Variants in SIDT1 observed in about 807,000 individuals in gnomAD.
SIDT1 encodes the protein SID1 transmembrane family, member 1.
A neutral mutation model predicts 107.5 loss-of-function variants in SIDT1; 101 were observed. The ratio of observed to expected loss-of-function variants is 0.94; its 90% CI spans 0.80 to 1.11. The LOEUF (loss-of-function observed/expected upper bound fraction) is 1.11, where lower values mean the gene tolerates loss of function less well. Among genes scored for constraint, SIDT1 ranks in the 50% least tolerant of loss-of-function variants. SIDT1 has a pLI of 0.00. For missense variants in SIDT1, 1,076 were observed against 1,058.2 expected, an observed-to-expected ratio of 1.02 and a Z score of -0.23; for synonymous variants, 395 against 398.2, an observed-to-expected ratio of 0.99 and a Z score of 0.10.
At chr3:113,579,688 A>G (rs567072241) in intron 4 of SIDT1, among the ~76,000 whole-genome samples, 16 of 152,322 alleles carry the variant, frequency 1.1e-4, no homozygotes, top group African/African-American at 3.6e-4. Flanking sequence ...GTTGAAATAC[A>G]AAGTTAAGTT....
At chr3:113,618,867 C>A (rs1436066856) in intron 20 of SIDT1, among the ~76,000 whole-genome samples, 1 of 152,180 alleles carries the variant, frequency 6.6e-6, no homozygotes, top group African/African-American at 2.4e-5. Flanking sequence ...CTCTATCACC[C>A]AGGCTGGAGT....
At chr3:113,568,885 G>A (rs1942179835) in intron 3 of SIDT1, among the ~76,000 whole-genome samples, 1 of 152,062 alleles carries the variant, frequency 6.6e-6, no homozygotes, top group Non-Finnish European at 1.5e-5. Flanking sequence ...TGTGATCCCA[G>A]CACTTTGGGA....
rs150632865 is a variant in SIDT1 at position 113,566,473 on chromosome 3, G to A, written c.276G>A (p.Pro92=). Residue 92 remains proline, a synonymous_variant, in exon 2 of 25, where the codon CCG becomes CCA. Coordinates refer to ENST00000264852, the MANE Select transcript of SIDT1 (RefSeq NM_017699.3). ...GTTCCTCTGAGAATCTCAACTACCC[G>A]GTCCTTGTTGTGGTTCGCCAGCAGA... ...VNSSSENLNY[P]VLVVVRQQKE... 4.2e-5 allele frequency: 67 copies of A among 1,613,984 alleles called. 1 individual carries two copies. In the African/African-American group the frequency reaches 6.0e-4, roughly 14 times the overall value.
chr3:113,551,824 GGTGTGTGTGT>G (rs56860179), intron 1 of SIDT1, among the ~76,000 whole-genome samples: 2 of 147,222 alleles, frequency 1.4e-5, no homozygotes, highest in East Asian at 2.0e-4. Context: ...AAGTTTTAGG[GGTGTGTGTGT>G]GTGTGTGTGT....
At chr3:113,624,240 G>A (rs1446462714) in intron 23 of SIDT1, among the ~76,000 whole-genome samples, 1 of 152,174 alleles carries the variant, frequency 6.6e-6, no homozygotes, top group African/African-American at 2.4e-5. Context: ...AACCTCATAT[G>A]CATCAGCATT....
downstream of SIDT1, among the ~76,000 whole-genome samples, chr3:113,629,946 C>T (rs752294701): frequency 1.1e-4 from 16 of 152,170 alleles, no homozygotes; most frequent in African/African-American, 2.7e-4. Context: ...CTTTCCACAG[C>T]GCCAGTCTCA....
chr3:113,604,924 T>C lies in SIDT1; in HGVS notation c.1352T>C (p.Ile451Thr). 6.2e-7 allele frequency: 1 copy of C among 1,614,130 alleles called. No individual in the cohort carries two copies. The highest frequency in any genetic ancestry group is 8.5e-7 in the Non-Finnish European group (1 of 1,180,032). Residue 451 changes from isoleucine (I) to threonine (T), a missense_variant, in exon 14 of 25, where the codon ATT (isoleucine) becomes ACT (threonine). By Grantham distance (89) the Ile-to-Thr change is moderately conservative. Transcript: ENST00000264852. The stretch of plus-strand genomic sequence containing the variant: ...TGCCTGCATAGGAACATCATCACCA[T>C]TGCTGTGTTTTACGCGCTGCCCGTG... ...YKIYFWNIIT[I>T]AVFYALPVIQ... is the part of the protein sequence containing the mutation.
chr3:113,584,873 A>T (rs1194042864), intron 8 of SIDT1, 104 bp downstream of exon 8: 1 of 861,420 alleles, frequency 1.2e-6, no homozygotes, highest in East Asian at 2.5e-5. Flanking sequence ...GTCATAAGAA[A>T]ACTAAAGTAT....
chr3:113,602,520 ATGT>A (rs1945031887), intron 11 of SIDT1: 1 of 152,272 alleles, frequency 6.6e-6, no homozygotes, highest in East Asian at 1.9e-4. Context: ...CTTCCTGAGA[ATGT>A]TGTTTTCATT....
intron 9 of SIDT1, chr3:113,588,740 T>G (rs1447825863): frequency 1.3e-5 from 2 of 151,676 alleles, no homozygotes; most frequent in Admixed American, 6.6e-5. Context: ...GAATCCAAAC[T>G]GCCCAATCCA....
At chr3:113,619,118 C>T (rs1946291893) in intron 20 of SIDT1, among the ~76,000 whole-genome samples, 2 of 152,222 alleles carry the variant, frequency 1.3e-5, no homozygotes, top group African/African-American at 4.8e-5. Flanking sequence ...AGCCACCACA[C>T]CCGGCCTATT....
intron 1 of SIDT1, among the ~76,000 whole-genome samples, chr3:113,536,395 T>A (rs1938168014): frequency 6.6e-6 from 1 of 152,176 alleles, no homozygotes; most frequent in Non-Finnish European, 1.5e-5. Flanking sequence ...GCCTGCAGGG[T>A]CATTGCCCAC....
At chr3:113,584,622 A>G in intron 7 of SIDT1, 76 bp from the exon 8 acceptor site, 1 of 931,152 alleles carries the variant, frequency 1.1e-6, no homozygotes, top group Non-Finnish European at 1.7e-6. Context: ...TTTGAACAAC[A>G]GTTCAGACAA....
At chr3:113,549,053 A>G (rs146965514) in intron 1 of SIDT1, among the ~76,000 whole-genome samples, 3 of 152,300 alleles carry the variant, frequency 2.0e-5, no homozygotes, top group African/African-American at 7.2e-5. Flanking sequence ...TAAAACATTA[A>G]GGTTCCTCCG....
chr3:113,567,763 C>T (rs1576792114), intron 3 of SIDT1, 53 bp downstream of exon 3: 1 of 1,537,546 alleles, frequency 6.5e-7, no homozygotes, highest in Non-Finnish European at 8.9e-7. Context: ...CTTGTGGATG[C>T]TCAATTCATC....
chr3:113,565,153 T>C (rs1941783002), intron 1 of SIDT1, among the ~76,000 whole-genome samples: 1 of 152,196 alleles, frequency 6.6e-6, no homozygotes, highest in Non-Finnish European at 1.5e-5. Flanking sequence ...ATGTGGAAGA[T>C]TAAATTTTGT....
At position 113,603,912 on chromosome 3, in the gene SIDT1, T is replaced by C. The variant is rs1490703285; in HGVS notation, c.1264-48T>C. ...TATGTTTGCCTTTGTATCTCATGCA[T>C]AAAGAGCTGAGTACAGTTTTGCATT... is the stretch of plus-strand genomic sequence containing the variant. On this transcript the variant is annotated intron_variant, in intron 12 of 24. Coordinates refer to ENST00000264852, the MANE Select transcript of SIDT1 (RefSeq NM_017699.3). 8 of 1,322,348 alleles carry C rather than the reference T, an allele frequency of 6.0e-6. No homozygotes were observed. The South Asian group carries it at 9.9e-5, about 16-fold the overall frequency. 81.9% of individuals were successfully genotyped at this position (1,322,348 alleles called of 1,614,324 possible). A position where few individuals can be genotyped will look rare whatever the true frequency, so the allele number is the denominator to read the frequency against.
At chr3:113,568,593 C>CA (rs769569991) in intron 3 of SIDT1, among the ~76,000 whole-genome samples, 4,599 of 90,446 alleles carry the variant, frequency 0.051, 104 homozygotes, top group East Asian at 0.12. Context: ...GACTCTGTCT[C>CA]AAAAAAAAAA....
At chr3:113,554,708 T>C (rs149741405) in intron 1 of SIDT1, among the ~76,000 whole-genome samples, 82 of 152,332 alleles carry the variant, frequency 5.4e-4, no homozygotes, top group Admixed American at 4.4e-3. Flanking sequence ...ATCATTCTTA[T>C]GTGTTTGGGG....
Sources: gnomAD v4.1 joint callset for allele counts (sites outside exome capture counted in the v4.1 genomes callset) on GRCh38, gnomAD v4.1.1 for gene constraint, MANE v1.5 for transcripts, NCBI Gene and HGNC (gene_info 2026-07-23, HGNC 2026-07-21) for gene names.